SLC44A5: variants seen among roughly 807,000 people sequenced by gnomAD.
SLC44A5 encodes solute carrier family 44 member 5.
SLC44A5 carries 57 observed loss-of-function variants against 101.8 expected under a neutral mutation model. The observed-to-expected ratio is 0.56, with a 90% CI of 0.45 to 0.70. The LOEUF is 0.70. Among genes scored for constraint, SLC44A5 ranks in the 30% least tolerant of loss-of-function variants. The probability of loss-of-function intolerance (pLI) is 0.00; values close to 1 mark genes in which losing one functional copy is unlikely to be tolerated. For missense variants in SLC44A5, 737 were observed against 853.1 expected, an observed-to-expected ratio of 0.86 and a Z score of 1.70; for synonymous variants, 281 against 290.9, an observed-to-expected ratio of 0.97 and a Z score of 0.35.
rs141568258 is a variant in SLC44A5 at position 75,602,356 on chromosome 1, G to C, written c.-70+8684C>G. ...TTCCATAAATCATTAAATACAAGTT[G>C]GTGTGTAGGAAGTGTGATAATTATT... On this transcript the variant is annotated intron_variant, in intron 1 of 23. Transcript: ENST00000370859. Among the ~76,000 whole-genome samples, 779 of 152,080 alleles carry C rather than the reference G, an allele frequency of 5.1e-3. 6 individuals carry two copies. The highest frequency in any genetic ancestry group is 0.015 in the African/African-American group (627 of 41,470).
intron 3 of SLC44A5, among the ~76,000 whole-genome samples, chr1:75,360,167 T>C (rs1386089594): frequency 1.3e-5 from 2 of 152,164 alleles, no homozygotes; most frequent in Non-Finnish European, 2.9e-5. Flanking sequence ...AAAAGCTTTT[T>C]ATTTGATGCA....
In SLC44A5 at chr1:75,476,093, G is replaced by A. The variant is rs147319315; in HGVS notation, c.13+65342C>T. On this transcript the variant is annotated intron_variant, in intron 2 of 23. Transcript: ENST00000370859. ...AACTACTCAGGAGGCTGAGGCATGA[G>A]AATCGCTTGAACCCGGGAGGCAGAG... Among the ~76,000 whole-genome samples the A allele has an allele frequency of 7.4e-3, 1,132 of 152,212 alleles. 4 individuals carry two copies. The highest frequency in any genetic ancestry group is 0.014 in the Middle Eastern group (4 of 294).
chr1:75,578,258 A>T (rs1673484330), intron 1 of SLC44A5, among the ~76,000 whole-genome samples: 1 of 152,118 alleles, frequency 6.6e-6, no homozygotes, highest in Non-Finnish European at 1.5e-5. Flanking sequence ...GTTTCAAGCT[A>T]ATTGAGTTTA....
At chr1:75,656,795 A>C in the SLC44A5 span, among the ~76,000 whole-genome samples, 7 of 152,334 alleles carry the variant, frequency 4.6e-5, no homozygotes, top group Non-Finnish European at 8.8e-5. Flanking sequence ...AAATACAAGT[A>C]ACAAAATGGT....
chr1:75,235,659 A>G (rs1299432183), intron 11 of SLC44A5, among the ~76,000 whole-genome samples: 6 of 152,014 alleles, frequency 3.9e-5, no homozygotes, highest in Non-Finnish European at 8.8e-5. Context: ...ACAGCTCTAA[A>G]CACCACACAC....
At chr1:75,374,355 G>A (rs1660426312) in intron 3 of SLC44A5, among the ~76,000 whole-genome samples, 2 of 152,190 alleles carry the variant, frequency 1.3e-5, no homozygotes, top group African/African-American at 2.4e-5. Flanking sequence ...GACTCTGCCA[G>A]GCTTAGAGGA....
chr1:75,294,030 A>T (rs1483795331), intron 5 of SLC44A5, among the ~76,000 whole-genome samples: 1 of 152,202 alleles, frequency 6.6e-6, no homozygotes, highest in Non-Finnish European at 1.5e-5. Context: ...AACATTTTTC[A>T]TTAAGAAAAG....
chr1:75,716,026 AAG>A, the SLC44A5 span, among the ~76,000 whole-genome samples: 1 of 152,224 alleles, frequency 6.6e-6, no homozygotes, highest in Non-Finnish European at 1.5e-5. Flanking sequence ...TTTTGAAAAG[AAG>A]AGAGACACGT....
chr1:75,657,156 AAAAAT>A, the SLC44A5 span, among the ~76,000 whole-genome samples: 2 of 152,056 alleles, frequency 1.3e-5, no homozygotes, highest in Non-Finnish European at 2.9e-5. Flanking sequence ...CTCAAAAAAT[AAAAAT>A]AAAAGACATA....
chr1:75,255,024 A>G (rs74371152), intron 6 of SLC44A5, among the ~76,000 whole-genome samples: 105 of 152,248 alleles, frequency 6.9e-4, no homozygotes, highest in Non-Finnish European at 1.2e-3. Flanking sequence ...AGCTTGTTCT[A>G]TGGCGTTTTG....
chr1:75,442,987 T>C (rs1228712374), intron 2 of SLC44A5, among the ~76,000 whole-genome samples: 2 of 152,084 alleles, frequency 1.3e-5, no homozygotes, highest in Admixed American at 1.3e-4. Context: ...AAAGAAGAAA[T>C]CATAACAAAA....
intron 2 of SLC44A5, among the ~76,000 whole-genome samples, chr1:75,478,758 C>T (rs1667610251): frequency 6.6e-6 from 1 of 152,144 alleles, no homozygotes; most frequent in South Asian, 2.1e-4. Context: ...AAAGCAAGTC[C>T]TAAGTGACCT....
At chr1:75,646,380 T>C in the SLC44A5 span, among the ~76,000 whole-genome samples, 2 of 152,116 alleles carry the variant, frequency 1.3e-5, no homozygotes, top group Non-Finnish European at 2.9e-5. Context: ...AGGTATTTTA[T>C]TCTCTTTGAA....
At chr1:75,688,886 T>C in the SLC44A5 span, among the ~76,000 whole-genome samples, 6 of 152,184 alleles carry the variant, frequency 3.9e-5, no homozygotes, top group African/African-American at 1.4e-4. Flanking sequence ...ATGAAGAATT[T>C]CATCTAGTTC....
chr1:75,661,387 T>TAAGAAAA, the SLC44A5 span, among the ~76,000 whole-genome samples: 1 of 53,600 alleles, frequency 1.9e-5, no homozygotes, highest in Admixed American at 3.0e-4. Flanking sequence ...CTACTGCAAG[T>TAAGAAAA]AAAAAAAAAA....
chr1:75,454,296 A>C (rs1293592097), intron 2 of SLC44A5, among the ~76,000 whole-genome samples: 1 of 152,138 alleles, frequency 6.6e-6, no homozygotes, highest in East Asian at 1.9e-4. Flanking sequence ...AAAAATAAAA[A>C]TAACATATGG....
chr1:75,370,264 G>A (rs961586651), intron 3 of SLC44A5, among the ~76,000 whole-genome samples: 4 of 152,090 alleles, frequency 2.6e-5, no homozygotes, highest in Non-Finnish European at 5.9e-5. Context: ...CTATTACATA[G>A]AAAAATAACT....
chr1:75,442,015 A>G (rs1434025244), intron 2 of SLC44A5, among the ~76,000 whole-genome samples: 1 of 152,156 alleles, frequency 6.6e-6, no homozygotes, highest in East Asian at 1.9e-4. Context: ...TGATCATTTA[A>G]CTAATTTCTT....
the SLC44A5 span, among the ~76,000 whole-genome samples, chr1:75,629,377 C>T: frequency 6.6e-6 from 1 of 152,170 alleles, no homozygotes; most frequent in Admixed American, 6.5e-5. Context: ...AACAAAGAAT[C>T]TGGGCTCCAT....
Sources: gnomAD v4.1 joint callset for allele counts (sites outside exome capture counted in the v4.1 genomes callset) on GRCh38, gnomAD v4.1.1 for gene constraint, MANE v1.5 for transcripts, NCBI Gene and HGNC (gene_info 2026-07-23, HGNC 2026-07-21) for gene names.